INPP5A: variants seen among roughly 807,000 people sequenced by gnomAD.
The protein encoded by INPP5A is 43 kDa inositol polyphosphate 5-phophatase.
In INPP5A, 14 loss-of-function variants were observed where a neutral mutation model predicts 65.2. The observed-to-expected ratio is 0.21, with a 90% confidence interval of 0.14 to 0.34. INPP5A has a LOEUF of 0.34. INPP5A is among the 10% of genes least tolerant of loss of function. The probability of loss-of-function intolerance (pLI) is 1.00; values close to 1 mark genes in which losing one functional copy is unlikely to be tolerated. For synonymous variants in INPP5A, 207 were observed against 208.3 expected, an observed-to-expected ratio of 0.99 and a Z score of 0.05; for missense variants, 431 against 545.6, an observed-to-expected ratio of 0.79 and a Z score of 2.09.
Position 132,549,938 on chromosome 10 carries a change from C to G in INPP5A, c.75+11767C>G, listed in dbSNP as rs1482274893. The stretch of plus-strand genomic sequence containing the variant: ...ACCGGGCATTAGGGGATGGGGTCAG[C>G]CTCGAGTTACTAACCGGGCATTAGG... On this transcript the variant is annotated intron_variant, in intron 1 of 15. Transcript: ENST00000368594. The surrounding 1 kb of genome is among the most constrained non-coding windows in gnomAD (Gnocchi z 4.9). 1.4e-3 allele frequency among the ~76,000 whole-genome samples: 153 copies of G among 110,080 alleles called. No individual in the cohort carries two copies. The highest frequency in any genetic ancestry group is 3.4e-3 in the East Asian group (12 of 3,578). The allele number at this position is 110,080 out of a possible 152,430, so 72.2% of individuals were successfully genotyped here. A position where few individuals can be genotyped will look rare whatever the true frequency, so the allele number is the denominator to read the frequency against.
At chr10:132,735,124 G>A (rs1289278388) in intron 9 of INPP5A, among the ~76,000 whole-genome samples, 1 of 152,168 alleles carries the variant, frequency 6.6e-6, no homozygotes. Context: ...AGACCCTGTG[G>A]GCTCCATGCA....
At chr10:132,607,782 C>G in intron 1 of INPP5A, 133 bp from the exon 2 acceptor site, 1 of 849,984 alleles carries the variant, frequency 1.2e-6, no homozygotes, top group African/African-American at 1.7e-5. Context: ...GCGGGTGGAG[C>G]TCCTCCATGC....
At chr10:132,720,321 T>G (rs1304869455) in intron 8 of INPP5A, among the ~76,000 whole-genome samples, 1 of 145,926 alleles carries the variant, frequency 6.9e-6, no homozygotes, top group Non-Finnish European at 1.5e-5. Context: ...GGTGCCTGGG[T>G]TCTTTCTGGA....
chr10:132,724,867 A>G (rs760765144), intron 8 of INPP5A, among the ~76,000 whole-genome samples: 9 of 149,380 alleles, frequency 6.0e-5, no homozygotes, highest in Non-Finnish European at 1.0e-4. Flanking sequence ...CTCACTCTCC[A>G]GAACTCACGG....
chr10:132,758,885 G>A lies in INPP5A; in HGVS notation c.904-6888G>A, dbSNP rs144498787. On this transcript the variant is annotated intron_variant, in intron 11 of 15. Transcript: ENST00000368594. ...TGTCCGGCGGCCCTGTCTCCTGAGC[G>A]TCGGGTTTCGTCAGTTGGATTCAGA... Among the ~76,000 whole-genome samples the A allele has an allele frequency of 5.3e-5, 8 of 152,328 alleles. No homozygotes were observed. In the South Asian group the frequency reaches 1.0e-3, roughly 20 times the overall value.
intron 11 of INPP5A, among the ~76,000 whole-genome samples, chr10:132,752,515 T>C (rs1846507856): frequency 1.0e-5 from 1 of 97,586 alleles, no homozygotes; most frequent in Non-Finnish European, 2.1e-5. Flanking sequence ...TGGAGGGGCG[T>C]GGCGTGGAGG....
intron 1 of INPP5A, among the ~76,000 whole-genome samples, chr10:132,601,965 T>A (rs2071782275): frequency 6.6e-6 from 1 of 152,228 alleles, no homozygotes; most frequent in Non-Finnish European, 1.5e-5. Context: ...CCCTTGAGAT[T>A]CCATATGAAT....
rs529124304 is a variant in INPP5A, at chr10:132,707,088, G to A, written c.475-1225G>A. ...GTGTTAGATAGAGGGAGCACGCCAC[G>A]CTGGACCCTTTCTTCACGGGTGTTT... On this transcript the variant is annotated intron_variant, in intron 6 of 15. Coordinates refer to ENST00000368594, the MANE Select transcript of INPP5A (RefSeq NM_005539.5). The surrounding 1 kb of genome is among the most constrained non-coding windows in gnomAD (Gnocchi z 5.5). Among the ~76,000 whole-genome samples, 51 of 152,350 alleles carry A rather than the reference G, an allele frequency of 3.3e-4. No individual in the cohort carries two copies. Among genetic ancestry groups the A allele is most frequent in the African/African-American group, 5.8e-4 (24 of 41,584 alleles).
At position 132,555,754 on chromosome 10, in the gene INPP5A, C is replaced by T. The variant is rs1159628976; in HGVS notation, c.75+17583C>T. On this transcript the variant is annotated intron_variant, in intron 1 of 15. Transcript: ENST00000368594. This position sits in a 1 kb window ranked among gnomAD's most constrained non-coding sequence, Gnocchi z 4.4. ...GACCCAGACAGGCACAACACTGACA[C>T]ACCTTGTCACACTCTGCAGGGTGTT... Among the ~76,000 whole-genome samples the T allele has an allele frequency of 6.6e-6, 1 of 152,208 alleles. No homozygotes were observed. The highest frequency in any genetic ancestry group is 2.4e-5 in the African/African-American group (1 of 41,442).
chr10:132,755,412 G>T (rs1004348410), intron 11 of INPP5A, among the ~76,000 whole-genome samples: 3 of 151,632 alleles, frequency 2.0e-5, no homozygotes, highest in Non-Finnish European at 4.4e-5. Flanking sequence ...GTGTGTGTGA[G>T]CAGGCATATG....
At chr10:132,717,846 C>T (rs58676435) in intron 8 of INPP5A, among the ~76,000 whole-genome samples, 2 of 119,886 alleles carry the variant, frequency 1.7e-5, no homozygotes, top group African/African-American at 7.1e-5. Context: ...GGCTGTCTTG[C>T]GGGTTCTGTG....
chr10:132,766,636 G>A (rs934633160), intron 12 of INPP5A, among the ~76,000 whole-genome samples: 4 of 152,328 alleles, frequency 2.6e-5, no homozygotes, highest in Admixed American at 2.0e-4. Flanking sequence ...CATGTGTGAC[G>A]TGTGTAGGGC....
chr10:132,650,519 G>T lies in INPP5A; in HGVS notation c.306+14G>T, dbSNP rs746218984. ...GAGCACTTCACGGTGAGTCCCTCCC[G>T]CTGCCTGGTGCAGGGGTCAGACAGG... On this transcript the variant is annotated intron_variant, in intron 4 of 15. Coordinates refer to ENST00000368594, the MANE Select transcript of INPP5A (RefSeq NM_005539.5). The surrounding 1 kb of genome is among the most constrained non-coding windows in gnomAD (Gnocchi z 5.5). 8 of 1,577,790 alleles carry T rather than the reference G, an allele frequency of 5.1e-6. No homozygotes were observed. The highest frequency in any genetic ancestry group is 6.1e-6 in the Non-Finnish European group (7 of 1,148,278).
At position 132,616,498 on chromosome 10, in the gene INPP5A, G is replaced by A. The variant is rs965593800; in HGVS notation, c.117+8542G>A. ...GGTGTAGAATGTGGTGCTGATGGAT[G>A]TGGTGTGTGTGGGATGCTGTGGTCA... On this transcript the variant is annotated intron_variant, in intron 2 of 15. Transcript: ENST00000368594. This position sits in a 1 kb window ranked among gnomAD's most constrained non-coding sequence, Gnocchi z 4.9. Among the ~76,000 whole-genome samples the A allele has an allele frequency of 6.6e-6, 1 of 152,112 alleles. No individual in the cohort carries two copies. Among genetic ancestry groups the A allele is most frequent in the Non-Finnish European group, 1.5e-5 (1 of 68,008 alleles).
chr10:132,715,767 C>T (rs147637061), intron 8 of INPP5A, among the ~76,000 whole-genome samples: 138 of 152,378 alleles, frequency 9.1e-4, no homozygotes, highest in African/African-American at 3.1e-3. Context: ...CTCACACTCC[C>T]GCTGGCCTCG....
chr10:132,704,562 G>C lies in INPP5A; in HGVS notation c.475-3751G>C, dbSNP rs1271720519. ...TCTGTCCTCCCCTCCTTGTACCCGAGGCCCCACAGCTGGGACTTGAACCTG... is the reference window on the plus strand; with the variant it reads ...TCTGTCCTCCCCTCCTTGTACCCGACGCCCCACAGCTGGGACTTGAACCTG... On this transcript the variant is annotated intron_variant, in intron 6 of 15. Coordinates refer to ENST00000368594, the MANE Select transcript of INPP5A (RefSeq NM_005539.5). The surrounding 1 kb of genome is among the most constrained non-coding windows in gnomAD (Gnocchi z 4.5). Among the ~76,000 whole-genome samples the C allele has an allele frequency of 1.3e-5, 2 of 152,236 alleles. No individual in the cohort carries two copies. Among genetic ancestry groups the C allele is most frequent in the Non-Finnish European group, 2.9e-5 (2 of 68,044 alleles).
intron 11 of INPP5A, among the ~76,000 whole-genome samples, chr10:132,755,461 AGTGT>A (rs147749285): frequency 3.5e-4 from 47 of 132,814 alleles, no homozygotes; most frequent in Middle Eastern, 5.5e-3. Flanking sequence ...GGTGTGAGCG[AGTGT>A]GTGTGAGCAG....
intron 1 of INPP5A, among the ~76,000 whole-genome samples, chr10:132,572,900 A>G (rs2071364023): frequency 6.6e-6 from 1 of 152,168 alleles, no homozygotes; most frequent in African/African-American, 2.4e-5. Context: ...AAGAAACATC[A>G]GCTCGGTTTA....
At chr10:132,719,904 A>G (rs1199651041) in intron 8 of INPP5A, among the ~76,000 whole-genome samples, 5 of 140,088 alleles carry the variant, frequency 3.6e-5, no homozygotes, top group East Asian at 2.2e-4. Context: ...GTTCTGTGGT[A>G]CCTGGGTTCT....
Sources: allele counts gnomAD v4.1 joint callset (sites outside exome capture counted in the v4.1 genomes callset), GRCh38; gene constraint gnomAD v4.1.1; non-coding constraint Gnocchi (gnomAD v3.1); transcripts MANE v1.5; gene names NCBI Gene and HGNC (gene_info 2026-07-23, HGNC 2026-07-21).